The following CALHM4 variants were observed in gnomAD, a reference collection of about 807,000 sequenced individuals.
The protein encoded by CALHM4 is calcium homeostasis modulator family member 4, also known as calcium homeostasis modulator protein 4.
Under a neutral mutation model 13.3 loss-of-function variants are expected in CALHM4, and 16 were observed. That is an observed-to-expected ratio of 1.20 (90% confidence interval 0.81 to 1.82). The LOEUF is 1.82. Among genes scored for constraint, CALHM4 ranks in the 40% most tolerant of loss-of-function variants. The pLI, the probability that CALHM4 is intolerant of heterozygous loss-of-function variation, is 0.00. For missense variants in CALHM4, 344 were observed against 374.9 expected, an observed-to-expected ratio of 0.92 and a Z score of 0.68; for synonymous variants, 127 against 137.1, an observed-to-expected ratio of 0.93 and a Z score of 0.52.
chr6:116,558,242 A>T lies in CALHM4; in HGVS notation c.*31A>T, dbSNP rs572482687. The T allele has an allele frequency of 1.0e-5, 16 of 1,572,976 alleles. No homozygotes were observed. In the South Asian group the frequency reaches 1.8e-4, roughly 17 times the overall value. ...GCACCTTTCATGAGTCAGGTTGCTT[A>T]GCAGATACTTGGCTTTTATGGCTTT... On this transcript the variant is annotated 3_prime_UTR_variant, in exon 2 of 2. Transcript: ENST00000368596.
intron 1 of CALHM4, among the ~76,000 whole-genome samples, chr6:116,537,138 T>C (rs1055072769): frequency 6.6e-6 from 1 of 152,170 alleles, no homozygotes; most frequent in Admixed American, 6.6e-5. Flanking sequence ...GGGACAGTTG[T>C]CTTACACTAG....
At position 116,554,137 on chromosome 6, in the gene CALHM4, C is replaced by T; in HGVS notation, c.344C>T (p.Pro115Leu). ...FSITGRAVIAPLTWLAVTLLT... is the reference protein window; with the variant it reads ...FSITGRAVIALLTWLAVTLLT... ...ATCACTGGGAGGGCAGTTATTGCTCCTTTAACTTGGCTGGCGGTGACCCTG... is the reference window on the plus strand; with the variant it reads ...ATCACTGGGAGGGCAGTTATTGCTCTTTTAACTTGGCTGGCGGTGACCCTG... The change falls in exon 1 of 2, where the codon CCT becomes CTT. Residue 115 changes from proline (P) to leucine (L), a missense_variant. Coordinates refer to ENST00000368596, the MANE Select transcript of CALHM4 (RefSeq NM_001366078.2). 2 of 1,550,574 alleles carry T rather than the reference C, an allele frequency of 1.3e-6. No homozygotes were observed. Among genetic ancestry groups the T allele is most frequent in the African/African-American group, 1.4e-5 (1 of 73,138 alleles).
At chr6:116,543,954 A>G (rs1047338606) in intron 2 of CALHM4, 3 of 1,133,612 alleles carry the variant, frequency 2.6e-6, no homozygotes, top group Non-Finnish European at 3.7e-6. Flanking sequence ...TCCCATTTTT[A>G]GAGTAAATTA....
chr6:116,556,885 A>G (rs1774338525), intron 1 of CALHM4, among the ~76,000 whole-genome samples: 2 of 152,118 alleles, frequency 1.3e-5, no homozygotes, highest in South Asian at 4.1e-4. Context: ...AATGAAAAGG[A>G]AAACAATATG....
At chr6:116,545,465 G>T in intron 2 of CALHM4, 1 of 1,542,470 alleles carries the variant, frequency 6.5e-7, no homozygotes, top group Non-Finnish European at 8.8e-7. Context: ...TTTGTAGAAA[G>T]ATCTTACTAT....
At chr6:116,546,450 A>T (rs988929461) in intron 2 of CALHM4, among the ~76,000 whole-genome samples, 5 of 152,198 alleles carry the variant, frequency 3.3e-5, no homozygotes, top group African/African-American at 4.8e-5. Context: ...TTATAGTTTG[A>T]GTCCATTAGT....
Position 116,554,102 on chromosome 6 carries a change from G to A in CALHM4, c.309G>A (p.Arg103=). Residue 103 remains arginine (R), a synonymous_variant, in exon 1 of 2, where the codon AGG becomes AGA. Transcript: ENST00000368596. ...TAGAGTGCAAGCTGGCTTGCCTTAG[G>A]TTCTTCAGCATCACTGGGAGGGCAG... The part of the protein sequence containing the change: ...SPLECKLACL[R]FFSITGRAVI... 1 of 1,550,628 alleles carries A rather than the reference G, an allele frequency of 6.4e-7. No homozygotes were observed. Among genetic ancestry groups the A allele is most frequent in the Non-Finnish European group, 8.7e-7 (1 of 1,147,012 alleles).
upstream of CALHM4, among the ~76,000 whole-genome samples, chr6:116,551,484 A>G (rs562523031): frequency 6.6e-6 from 1 of 152,162 alleles, no homozygotes; most frequent in East Asian, 1.9e-4. Context: ...AAGTTATTGT[A>G]TTAATATATA....
At position 116,558,055 on chromosome 6, in the gene CALHM4, C is replaced by T; in HGVS notation, c.789C>T (p.His263=). Residue 263 remains histidine, a synonymous_variant, in exon 2 of 2, where the codon CAC becomes CAT. Coordinates refer to ENST00000368596, the MANE Select transcript of CALHM4 (RefSeq NM_001366078.2). ...TTCCCGGGAGTGAAGACGTCAAACA[C>T]ATCCGCATTCCTTCTTGTCAGGACT... ...GFIPGSEDVK[H]IRIPSCQDWK... is the part of the protein sequence containing the mutation. The T allele has an allele frequency of 1.2e-6, 2 of 1,614,208 alleles. No individual in the cohort carries two copies. Among genetic ancestry groups the T allele is most frequent in the Non-Finnish European group, 1.7e-6 (2 of 1,180,032 alleles).
intron 1 of CALHM4, chr6:116,529,293 T>G (rs943614599): frequency 6.6e-6 from 1 of 152,226 alleles, no homozygotes; most frequent in African/African-American, 2.4e-5. Flanking sequence ...GTGGGAGGCA[T>G]GTACAATAAC....
chr6:116,548,511 A>G (rs1013853709), intron 2 of CALHM4, among the ~76,000 whole-genome samples: 1 of 152,094 alleles, frequency 6.6e-6, no homozygotes, highest in Non-Finnish European at 1.5e-5. Flanking sequence ...TCATCTACAA[A>G]CTCCTTTACA....
Position 116,560,426 on chromosome 6 carries a change from C to T in CALHM4, c.*2215C>T, listed in dbSNP as rs1774532946. On this transcript the variant is annotated 3_prime_UTR_variant, in exon 2 of 2. Transcript: ENST00000368596. ...TTCTGAAGCCCTTCTACATCAAACT[C>T]TTTTAGTGTATGATGTAAAAATTTT... 6.6e-6 allele frequency among the ~76,000 whole-genome samples: 1 copy of T among 152,160 alleles called. No homozygotes were observed. The highest frequency in any genetic ancestry group is 2.4e-5 in the African/African-American group (1 of 41,442).
intron 1 of CALHM4, among the ~76,000 whole-genome samples, chr6:116,531,300 G>A (rs1772708249): frequency 6.6e-6 from 1 of 152,068 alleles, no homozygotes; most frequent in African/African-American, 2.4e-5. Context: ...GAATGCAAAT[G>A]ACACCCAGAG....
At chr6:116,557,046 T>A (rs1462326077) in intron 1 of CALHM4, among the ~76,000 whole-genome samples, 1 of 151,332 alleles carries the variant, frequency 6.6e-6, no homozygotes, top group South Asian at 2.1e-4. Context: ...CAAGAAGTTC[T>A]CGTGCCTCAG....
intron 1 of CALHM4, among the ~76,000 whole-genome samples, chr6:116,533,767 G>A (rs565166753): frequency 6.6e-6 from 1 of 151,918 alleles, no homozygotes; most frequent in East Asian, 1.9e-4. Context: ...TCTGTCTCTA[G>A]CGTGCCTTTT....
intron 1 of CALHM4, chr6:116,540,489 T>C: frequency 6.5e-7 from 1 of 1,544,104 alleles, no homozygotes; most frequent in Non-Finnish European, 8.8e-7. Context: ...GAGTGTGGTC[T>C]GAAAATTCTA....
In CALHM4 at chr6:116,536,053, A is replaced by G. The variant is rs369685687; in HGVS notation, c.-109+6863A>G. Among the ~76,000 whole-genome samples the G allele has an allele frequency of 8.5e-5, 13 of 152,330 alleles. No individual in the cohort carries two copies. In the East Asian group the frequency reaches 1.5e-3, roughly 18 times the overall value. On this transcript the variant is annotated intron_variant, in intron 1 of 2. Transcript: ENST00000368597. ...ATATCAATGCTATTAAAGTTTTTCA[A>G]TACCATGTTATAATGCTGTTGACTT... is the stretch of plus-strand genomic sequence containing the variant.
Position 116,558,033 on chromosome 6 carries a change from C to T in CALHM4, c.767C>T (p.Pro256Leu). 1 of 1,614,118 alleles carries T rather than the reference C, an allele frequency of 6.2e-7. No individual in the cohort carries two copies. The highest frequency in any genetic ancestry group is 8.5e-7 in the Non-Finnish European group (1 of 1,179,998). Reference protein sequence around the residue: ...HRIKKLFGFIPGSEDVKHIRI... With the variant: ...HRIKKLFGFILGSEDVKHIRI... ...ATAAAGAAGCTATTTGGCTTCATTC[C>T]CGGGAGTGAAGACGTCAAACACATC... The change falls in exon 2 of 2, where the codon CCC becomes CTC. Residue 256 changes from proline (P) to leucine (L), a missense_variant. Physicochemically the swap from Pro to Leu is moderately conservative, Grantham distance 98 (BLOSUM62 -3). Coordinates refer to ENST00000368596, the MANE Select transcript of CALHM4 (RefSeq NM_001366078.2).
At chr6:116,540,091 T>A (rs1014552534) in intron 1 of CALHM4, among the ~76,000 whole-genome samples, 1 of 152,206 alleles carries the variant, frequency 6.6e-6, no homozygotes, top group Non-Finnish European at 1.5e-5. Context: ...ACTCCCCTTC[T>A]GTTTACCTTC....
Sources: gnomAD v4.1 joint callset for allele counts (sites outside exome capture counted in the v4.1 genomes callset) on GRCh38, gnomAD v4.1.1 for gene constraint, MANE v1.5 for transcripts, NCBI Gene and HGNC (gene_info 2026-07-23, HGNC 2026-07-21) for gene names.